The following PEX7 variants were observed in gnomAD, a reference collection of about 807,000 sequenced individuals.
PEX7 encodes the protein PTS2 receptor.
Under a neutral mutation model 47.5 loss-of-function variants are expected in PEX7, and 34 were observed. The ratio of observed to expected loss-of-function variants is 0.72; its 90% CI spans 0.54 to 0.95. The LOEUF (loss-of-function observed/expected upper bound fraction) is 0.95. Among genes scored for constraint, PEX7 ranks in the 40% least tolerant of loss-of-function variants. The pLI, the probability that PEX7 is intolerant of heterozygous loss-of-function variation, is 0.00. For missense variants in PEX7, 394 were observed against 400.3 expected, an observed-to-expected ratio of 0.98 and a Z score of 0.13; for synonymous variants, 141 against 148.8, an observed-to-expected ratio of 0.95 and a Z score of 0.38.
intron 9 of PEX7, among the ~76,000 whole-genome samples, chr6:136,903,054 T>TA (rs1362107430): frequency 6.6e-6 from 1 of 152,190 alleles, no homozygotes; most frequent in Non-Finnish European, 1.5e-5. Flanking sequence ...ATGTTTCTTT[T>TA]AAAAATCTCT....
chr6:136,846,148 C>G lies in PEX7; in HGVS notation c.493C>G (p.Pro165Ala), dbSNP rs769206820. ...TATTATTTATAGCACAATCTGGTCT[C>G]CCCACATCCCTGGTTGTTTTGCTTC... ...ESIIYSTIWS[P>A]HIPGCFASAS... The change falls in exon 5 of 10, where the codon CCC (proline) becomes GCC (alanine). Residue 165 changes from proline (P) to alanine (A), a missense_variant. Coordinates refer to ENST00000318471, the MANE Select transcript of PEX7 (RefSeq NM_000288.4). The G allele has an allele frequency of 6.2e-7, 1 of 1,612,824 alleles. No homozygotes were observed. Among genetic ancestry groups the G allele is most frequent in the Admixed American group, 1.7e-5 (1 of 60,010 alleles).
chr6:136,826,258 T>G, intron 2 of PEX7, 61 bp from the exon 3 acceptor site: 1 of 1,548,884 alleles, frequency 6.5e-7, no homozygotes, highest in Non-Finnish European at 8.9e-7. Flanking sequence ...TTATTTTTTT[T>G]GTTGTGTAGC....
At chr6:136,829,987 G>GC in intron 3 of PEX7, 1 of 610,470 alleles carries the variant, frequency 1.6e-6, no homozygotes, top group Non-Finnish European at 3.0e-6. Context: ...GCCAATTTCT[G>GC]TTTTTTTTTT....
chr6:136,889,596 T>A (rs893605744), intron 8 of PEX7, among the ~76,000 whole-genome samples: 4 of 152,230 alleles, frequency 2.6e-5, no homozygotes, highest in South Asian at 2.1e-4. Flanking sequence ...TCATACTTTT[T>A]AAAAAATCCT....
chr6:136,895,263 TA>T (rs1582775528), intron 8 of PEX7, among the ~76,000 whole-genome samples: 1 of 152,224 alleles, frequency 6.6e-6, no homozygotes, highest in Admixed American at 6.5e-5. Flanking sequence ...CTTTTGTTAT[TA>T]AAAAGCCATT....
intron 3 of PEX7, among the ~76,000 whole-genome samples, chr6:136,827,054 C>T (rs1033102924): frequency 1.3e-5 from 2 of 152,146 alleles, no homozygotes; most frequent in Non-Finnish European, 1.5e-5. Flanking sequence ...AAGACATCCT[C>T]TTTTTGTGTT....
intron 5 of PEX7, among the ~76,000 whole-genome samples, chr6:136,858,106 T>C (rs1310516861): frequency 6.6e-6 from 1 of 152,230 alleles, no homozygotes; most frequent in Non-Finnish European, 1.5e-5. Context: ...CATGAGCCAC[T>C]GCACCCGACC....
chr6:136,867,214 T>A (rs553739883), intron 6 of PEX7, among the ~76,000 whole-genome samples: 8 of 152,316 alleles, frequency 5.3e-5, no homozygotes, highest in African/African-American at 1.7e-4. Context: ...GCAACTTTTT[T>A]AAAGCTTCAG....
intron 8 of PEX7, among the ~76,000 whole-genome samples, chr6:136,882,548 AAAT>A (rs35368484): frequency 2.0e-5 from 3 of 150,326 alleles, no homozygotes; most frequent in Admixed American, 6.6e-5. Flanking sequence ...CTTACCTTTA[AAAT>A]AATAATAATA....
chr6:136,846,305 T>A (rs1370672988), intron 5 of PEX7, 124 bp downstream of exon 5: 1 of 516,284 alleles, frequency 1.9e-6, no homozygotes, highest in Non-Finnish European at 3.5e-6. Flanking sequence ...TATTCTTTTG[T>A]GTTCTTAAGA....
intron 8 of PEX7, among the ~76,000 whole-genome samples, chr6:136,891,763 C>T (rs1436136672): frequency 6.6e-6 from 1 of 151,936 alleles, no homozygotes; most frequent in East Asian, 1.9e-4. Context: ...GCCTCAGCCT[C>T]CCAAGTAGCT....
intron 8 of PEX7, among the ~76,000 whole-genome samples, chr6:136,888,714 A>G (rs900691511): frequency 2.0e-5 from 3 of 152,246 alleles, no homozygotes; most frequent in Middle Eastern, 3.4e-3. Flanking sequence ...GTACATGTTT[A>G]TAAATATAAG....
At chr6:136,832,720 T>C (rs1774316531) in intron 3 of PEX7, among the ~76,000 whole-genome samples, 1 of 152,214 alleles carries the variant, frequency 6.6e-6, no homozygotes, top group African/African-American at 2.4e-5. Flanking sequence ...CCAGACACTC[T>C]AAATCATCTC....
chr6:136,837,602 C>G (rs1005081237), intron 3 of PEX7, among the ~76,000 whole-genome samples: 1 of 152,022 alleles, frequency 6.6e-6, no homozygotes, highest in South Asian at 2.1e-4. Context: ...ATACTGTTTG[C>G]CACTAACAGG....
intron 3 of PEX7, among the ~76,000 whole-genome samples, chr6:136,843,801 C>T (rs1415223755): frequency 6.6e-6 from 1 of 152,092 alleles, no homozygotes; most frequent in Non-Finnish European, 1.5e-5. Flanking sequence ...GATTGTGCTT[C>T]CTTTAGTGTT....
chr6:136,826,995 GT>G (rs1474565134), intron 3 of PEX7, among the ~76,000 whole-genome samples: 1 of 152,188 alleles, frequency 6.6e-6, no homozygotes, highest in Middle Eastern at 3.2e-3. Flanking sequence ...ATAGAAAATA[GT>G]TTGGGCTTCA....
At chr6:136,904,876 C>G (rs1208975677) in intron 9 of PEX7, among the ~76,000 whole-genome samples, 1 of 152,130 alleles carries the variant, frequency 6.6e-6, no homozygotes, top group African/African-American at 2.4e-5. Context: ...CTGAATCACT[C>G]ACTTTCCTAT....
intron 5 of PEX7, among the ~76,000 whole-genome samples, chr6:136,866,213 A>G (rs1412402032): frequency 3.9e-5 from 6 of 151,990 alleles, no homozygotes; most frequent in Non-Finnish European, 7.4e-5. Context: ...AAAATTCTCC[A>G]TTTTGGCTTG....
intron 3 of PEX7, among the ~76,000 whole-genome samples, chr6:136,833,893 A>G (rs1774338627): frequency 6.6e-6 from 1 of 152,222 alleles, no homozygotes; most frequent in Non-Finnish European, 1.5e-5. Context: ...CACATATTAT[A>G]TGCCAGGCAT....
Sources: gnomAD v4.1 joint callset for allele counts (sites outside exome capture counted in the v4.1 genomes callset) on GRCh38, gnomAD v4.1.1 for gene constraint, MANE v1.5 for transcripts, NCBI Gene and HGNC (gene_info 2026-07-23, HGNC 2026-07-21) for gene names.